Variants in TRMT1 observed in about 807,000 individuals in gnomAD.
The protein encoded by TRMT1 is tRNA (guanine(26)-N(2))-dimethyltransferase.
In TRMT1, 63 loss-of-function variants were observed where a neutral mutation model predicts 75.4. The observed-to-expected ratio is 0.84, with a 90% CI of 0.68 to 1.03. TRMT1 has a LOEUF of 1.03. Ranked by LOEUF, TRMT1 falls within the 50% of genes least tolerant of loss-of-function variation. TRMT1 has a pLI of 0.00. For missense variants in TRMT1, 870 were observed against 905.3 expected (o/e 0.96, Z 0.50); for synonymous variants, 382 against 358.1 (o/e 1.07, Z -0.75).
At chr19:13,111,701 T>C (rs1175552970) in intron 7 of TRMT1, among the ~76,000 whole-genome samples, 1 of 142,898 alleles carries the variant, frequency 7.0e-6, no homozygotes, top group African/African-American at 2.6e-5. Flanking sequence ...CCCGGCCTAT[T>C]TTTTTTTCTT....
intron 14 of TRMT1, among the ~76,000 whole-genome samples, chr19:13,106,891 C>T (rs7256409): frequency 0.82 from 123,422 of 149,934 alleles, 51,291 homozygotes; most frequent in African/African-American, 0.96. Flanking sequence ...GGCGCTATCT[C>T]GGCTCACTGC....
Position 13,107,057 on chromosome 19 carries a change from C to T in TRMT1, c.1583+517G>A, listed in dbSNP as rs1466311073. Among the ~76,000 whole-genome samples, 11 of 145,302 alleles carry T rather than the reference C, an allele frequency of 7.6e-5. 1 individual carries two copies. Among genetic ancestry groups the T allele is most frequent in the African/African-American group, 2.8e-4 (11 of 38,894 alleles). On this transcript the variant is annotated intron_variant, in intron 14 of 16. Transcript: ENST00000357720. Reference sequence around the variant, plus strand: ...TTCACTGTGTTAGCCAGGATGGTCTCAATCTCCTGATCTCGTGATCCGCCT... The same window carrying T: ...TTCACTGTGTTAGCCAGGATGGTCTTAATCTCCTGATCTCGTGATCCGCCT...
intron 2 of TRMT1, 25 bp from the exon 3 acceptor site, chr19:13,116,077 C>A: frequency 6.2e-7 from 1 of 1,613,442 alleles, no homozygotes; most frequent in Non-Finnish European, 8.5e-7. Flanking sequence ...AGGACTAGCT[C>A]ATACCCCGCC....
At chr19:13,107,536 G>A in intron 14 of TRMT1, 38 bp downstream of exon 14, 2 of 1,568,808 alleles carry the variant, frequency 1.3e-6, no homozygotes, top group Non-Finnish European at 1.7e-6. Flanking sequence ...CCATGTCTGT[G>A]GGCAGCCCTG....
intron 12 of TRMT1, among the ~76,000 whole-genome samples, chr19:13,108,448 G>A (rs541543894): frequency 3.3e-5 from 5 of 151,652 alleles, no homozygotes; most frequent in African/African-American, 1.2e-4. Flanking sequence ...GTGCCATGAC[G>A]CCTGGCTAAT....
Position 13,116,209 on chromosome 19 carries a change from A to G in TRMT1, c.191T>C (p.Ile64Thr). The change falls in exon 2 of 17, where the codon ATC becomes ACC. Residue 64 changes from isoleucine (I) to threonine (T), a missense_variant. By Grantham distance (89) the Ile-to-Thr change is moderately conservative. Transcript: ENST00000357720. ...GACCTCGTTGGCACTGGGAAAGGCGATTTTGGCAGCCCCCTCGGTGACTGT... is the reference window on the plus strand; with the variant it reads ...GACCTCGTTGGCACTGGGAAAGGCGGTTTTGGCAGCCCCCTCGGTGACTGT... ...ETTVTEGAAK[I>T]AFPSANEVFY... The G allele has an allele frequency of 1.2e-6, 2 of 1,614,116 alleles. No homozygotes were observed. The highest frequency in any genetic ancestry group is 1.7e-6 in the Non-Finnish European group (2 of 1,180,024).
intron 5 of TRMT1, 91 bp downstream of exon 5, chr19:13,115,188 A>C (rs2019289739): frequency 7.2e-7 from 1 of 1,389,628 alleles, no homozygotes. Flanking sequence ...TAAGTCACTC[A>C]CTCAAGGTCA....
chr19:13,105,465 C>A (rs2018819869), intron 15 of TRMT1, 22 bp downstream of exon 15: 2 of 1,613,980 alleles, frequency 1.2e-6, no homozygotes, highest in Non-Finnish European at 1.7e-6. Context: ...CTGAGCCCCA[C>A]CCCCACCTTA....
At chr19:13,109,241 A>C in intron 12 of TRMT1, 140 bp downstream of exon 12, 3 of 977,110 alleles carry the variant, frequency 3.1e-6, no homozygotes, top group Non-Finnish European at 4.5e-6. Context: ...CAGCCTCCCA[A>C]GGTACTGGGA....
intron 12 of TRMT1, 75 bp downstream of exon 12, chr19:13,109,306 C>A: frequency 6.5e-7 from 1 of 1,547,866 alleles, no homozygotes; most frequent in Non-Finnish European, 8.9e-7. Flanking sequence ...AAGTTCTATG[C>A]ATGAGAATCC....
At chr19:13,107,136 AT>A (rs200308440) in intron 14 of TRMT1, among the ~76,000 whole-genome samples, 2 of 123,894 alleles carry the variant, frequency 1.6e-5, no homozygotes, top group Non-Finnish European at 3.3e-5. Flanking sequence ...GCACCCAGCT[AT>A]TTTTTTATTC....
chr19:13,106,540 C>A (rs1476072988), intron 14 of TRMT1, among the ~76,000 whole-genome samples: 2 of 152,050 alleles, frequency 1.3e-5, no homozygotes, highest in South Asian at 2.1e-4. Flanking sequence ...TGCAGTGGTG[C>A]GATCTCGGCT....
intron 14 of TRMT1, among the ~76,000 whole-genome samples, chr19:13,107,049 G>A (rs2018907080): frequency 6.8e-6 from 1 of 146,742 alleles, no homozygotes; most frequent in African/African-American, 2.5e-5. Flanking sequence ...TGTTAGCCAG[G>A]ATGGTCTCAA....
Position 13,107,636 on chromosome 19 carries a change from CG to C in TRMT1, c.1520del (p.Pro507ArgfsTer2). 1 of 1,607,448 alleles carries C rather than the reference CG, an allele frequency of 6.2e-7. No individual in the cohort carries two copies. The highest frequency in any genetic ancestry group is 8.5e-7 in the Non-Finnish European group (1 of 1,176,358). On this transcript the variant is annotated frameshift_variant, in exon 14 of 17. Transcript: ENST00000357720. LOFTEE classifies it high-confidence loss of function. ...TCTCTGATAGTCGCTCCCGTTTCAC[CG>C]GACATTCCTTCTCCTGGGGGCAGAG... Reference protein sequence around the residue: ...DIMRCWEKECPVKRERLSETS... With the variant: ...DIMRCWEKECXVKRERLSETS...
rs145167453 is a variant in TRMT1, at chr19:13,108,889, C to T, written c.1397+492G>A. Among the ~76,000 whole-genome samples the T allele has an allele frequency of 7.2e-3, 1,091 of 151,062 alleles. 4 individuals carry two copies. Among genetic ancestry groups the T allele is most frequent in the South Asian group, 0.019 (93 of 4,774 alleles). ...CCTCCCAAAGTGCTGGGAATATAGG[C>T]ATGAGCCAATAAGCCTGGCCTAATT... On this transcript the variant is annotated intron_variant, in intron 12 of 16. Transcript: ENST00000357720.
Position 13,116,017 on chromosome 19 carries a change from A to T in TRMT1, c.290T>A (p.Leu97His). The change falls in exon 3 of 17, where the codon CTT (leucine) becomes CAT (histidine). Residue 97 changes from leucine to histidine, a missense_variant. Leu to His is a moderately conservative substitution (Grantham distance 99). Transcript: ENST00000357720. ...AVITEFARIQ[L>H]GAKGIQIKVP... Reference sequence around the variant, plus strand: ...CTCACTCTGGATTCCTTTGGCCCCAAGCTGAATGCGAGCAAACTCGGTGAT... The same window carrying T: ...CTCACTCTGGATTCCTTTGGCCCCATGCTGAATGCGAGCAAACTCGGTGAT... The T allele has an allele frequency of 6.2e-7, 1 of 1,613,988 alleles. No homozygotes were observed. Among genetic ancestry groups the T allele is most frequent in the Non-Finnish European group, 8.5e-7 (1 of 1,179,994 alleles).
At position 13,107,741 on chromosome 19, in the gene TRMT1, C is replaced by G; in HGVS notation, c.1506+10G>C. 6.4e-7 allele frequency: 1 copy of G among 1,555,864 alleles called. No individual in the cohort carries two copies. The highest frequency in any genetic ancestry group is 2.4e-5 in the East Asian group (1 of 41,206). ...CCCTCCCACCTGCATGAGGTCAGCC[C>G]TGCCCTCACCCAGCAACGCATGATG... On this transcript the variant is annotated intron_variant, in intron 13 of 16. Coordinates refer to ENST00000357720, the MANE Select transcript of TRMT1 (RefSeq NM_001136035.4).
chr19:13,116,141 C>T lies in TRMT1; in HGVS notation c.254+5G>A. ...ATGCCAGGCTAACGTCTGACCCCTG[C>T]TCACGTCAGGTCCCGATTGAATTCC... On this transcript the variant is annotated splice_donor_5th_base_variant and intron_variant, in intron 2 of 16. Coordinates refer to ENST00000357720, the MANE Select transcript of TRMT1 (RefSeq NM_001136035.4). 1 of 1,614,114 alleles carries T rather than the reference C, an allele frequency of 6.2e-7. No individual in the cohort carries two copies. Among genetic ancestry groups the T allele is most frequent in the Non-Finnish European group, 8.5e-7 (1 of 1,180,024 alleles).
intron 12 of TRMT1, among the ~76,000 whole-genome samples, chr19:13,108,144 C>T (rs2018970090): frequency 6.6e-6 from 1 of 151,124 alleles, no homozygotes; most frequent in African/African-American, 2.4e-5. Context: ...GCATGTGCCA[C>T]CACGCCCAGC....
Sources: allele counts gnomAD v4.1 joint callset (sites outside exome capture counted in the v4.1 genomes callset), GRCh38; gene constraint gnomAD v4.1.1; transcripts MANE v1.5; gene names NCBI Gene and HGNC (gene_info 2026-07-23, HGNC 2026-07-21).